EIF4B: variants seen among roughly 807,000 people sequenced by gnomAD.
EIF4B encodes eukaryotic translation initiation factor 4B.
EIF4B carries 8 observed loss-of-function variants against 79.3 expected under a neutral mutation model. The ratio of observed to expected loss-of-function variants is 0.10; its 90% CI spans 0.06 to 0.18. EIF4B has a LOEUF of 0.18. Ranked by LOEUF, EIF4B falls within the 10% of genes least tolerant of loss-of-function variation. The pLI, the probability that EIF4B is intolerant of heterozygous loss-of-function variation, is 1.00. For missense variants in EIF4B, 515 were observed against 792.4 expected, an observed-to-expected ratio of 0.65 and a Z score of 4.20; for synonymous variants, 238 against 274.7, an observed-to-expected ratio of 0.87 and a Z score of 1.32.
chr12:53,010,089 C>T (rs1031954932), intron 1 of EIF4B, among the ~76,000 whole-genome samples: 1 of 152,206 alleles, frequency 6.6e-6, no homozygotes, highest in Admixed American at 6.5e-5. Context: ...TGTGTACCTC[C>T]TGTCTCCCAT....
At chr12:53,039,506 A>C in intron 13 of EIF4B, 124 bp from the exon 14 acceptor site, 1 of 1,292,392 alleles carries the variant, frequency 7.7e-7, no homozygotes. Flanking sequence ...GTAATACATC[A>C]TCCAGACAAC....
chr12:53,039,169 G>A, intron 12 of EIF4B, 69 bp from the exon 13 acceptor site: 2 of 1,173,442 alleles, frequency 1.7e-6, no homozygotes, highest in East Asian at 2.6e-5. Flanking sequence ...TCAGCTTAAG[G>A]GAAATCTTAG....
rs145934285 is a variant in EIF4B, at chr12:53,032,493, C to T, written c.980-1313C>T. Among the ~76,000 whole-genome samples the T allele has an allele frequency of 6.9e-3, 1,043 of 152,154 alleles. 11 individuals carry two copies. The highest frequency in any genetic ancestry group is 0.024 in the African/African-American group (985 of 41,510). Reference sequence around the variant, plus strand: ...GTATTAGTTCTTAACATGCAGATTTCGGAGCAAGATACTTTCATCCAGTAG... The same window carrying T: ...GTATTAGTTCTTAACATGCAGATTTTGGAGCAAGATACTTTCATCCAGTAG... On this transcript the variant is annotated intron_variant, in intron 8 of 14. Coordinates refer to ENST00000262056, the MANE Select transcript of EIF4B (RefSeq NM_001417.7).
At chr12:53,021,226 A>G in intron 4 of EIF4B, among the ~76,000 whole-genome samples, 1 of 152,218 alleles carries the variant, frequency 6.6e-6, no homozygotes, top group East Asian at 1.9e-4. Context: ...GAAAGAACCT[A>G]AGATTGTAGA....
At chr12:53,027,343 A>T (rs112120270) in intron 6 of EIF4B, among the ~76,000 whole-genome samples, 12,422 of 151,298 alleles carry the variant, frequency 0.082, 808 homozygotes, top group African/African-American at 0.18. Flanking sequence ...CATGTTGGCC[A>T]GGATGGTCTC....
At chr12:53,029,667 C>T (rs1943401479) in intron 8 of EIF4B, among the ~76,000 whole-genome samples, 1 of 152,164 alleles carries the variant, frequency 6.6e-6, no homozygotes, top group Admixed American at 6.5e-5. Flanking sequence ...AGCCACCGTG[C>T]CCGGCCAAAT....
intron 6 of EIF4B, chr12:53,025,330 G>A: frequency 2.9e-5 from 13 of 445,844 alleles, no homozygotes; most frequent in South Asian, 2.1e-4. Context: ...TTTAGAGCAA[G>A]CAGAATGGAT....
rs1022730763 is a variant in EIF4B, at chr12:53,027,375, G to T, written c.668-407G>T. The stretch of plus-strand genomic sequence containing the variant: ...TCTCGATCTCTTGAACTCGTGATCT[G>T]CCCACCTCGGGCTCCCAAAGTGCTG... On this transcript the variant is annotated intron_variant, in intron 6 of 14. Coordinates refer to ENST00000262056, the MANE Select transcript of EIF4B (RefSeq NM_001417.7). Among the ~76,000 whole-genome samples the T allele has an allele frequency of 4.0e-5, 6 of 151,314 alleles. 1 individual carries two copies. Among genetic ancestry groups the T allele is most frequent in the Admixed American group, 1.3e-4 (2 of 15,106 alleles).
At position 53,033,874 on chromosome 12, in the gene EIF4B, A is replaced by G; in HGVS notation, c.1048A>G (p.Ser350Gly). 1 of 1,614,078 alleles carries G rather than the reference A, an allele frequency of 6.2e-7. No homozygotes were observed. The highest frequency in any genetic ancestry group is 1.7e-4 in the Middle Eastern group (1 of 6,056). ...TCCTAAGGAAGATGATTCCTCTGCT[A>G]GTACCTCCCAGTCCACTCGAGCTGC... is the stretch of plus-strand genomic sequence containing the variant. ...STPKEDDSSA[S>G]TSQSTRAASI... The change falls in exon 9 of 15, where the codon AGT becomes GGT. Residue 350 changes from serine (S) to glycine (G), a missense_variant. Coordinates refer to ENST00000262056, the MANE Select transcript of EIF4B (RefSeq NM_001417.7).
chr12:53,026,307 T>C (rs1393960534), intron 6 of EIF4B, among the ~76,000 whole-genome samples: 1 of 152,192 alleles, frequency 6.6e-6, no homozygotes, highest in Non-Finnish European at 1.5e-5. Flanking sequence ...GCTATCCCTT[T>C]TACAAACAAC....
intron 8 of EIF4B, among the ~76,000 whole-genome samples, chr12:53,031,314 C>T (rs1469276852): frequency 1.3e-5 from 2 of 152,188 alleles, no homozygotes; most frequent in Non-Finnish European, 2.9e-5. Flanking sequence ...CTCACTCTGT[C>T]GCCCAGGCTA....
intron 8 of EIF4B, among the ~76,000 whole-genome samples, chr12:53,030,099 G>A (rs1943409077): frequency 8.9e-6 from 1 of 112,112 alleles, no homozygotes; most frequent in African/African-American, 2.9e-5. Flanking sequence ...GCATGTGCCT[G>A]TAGTCCCCGT....
chr12:53,020,635 T>C (rs1448129070), intron 4 of EIF4B, among the ~76,000 whole-genome samples: 3 of 152,210 alleles, frequency 2.0e-5, no homozygotes, highest in African/African-American at 7.2e-5. Flanking sequence ...CCTTATTGTT[T>C]ATTGATAAGG....
At chr12:53,034,503 A>G (rs902093094) in intron 9 of EIF4B, 109 bp from the exon 10 acceptor site, 7 of 963,876 alleles carry the variant, frequency 7.3e-6, no homozygotes, top group Non-Finnish European at 1.1e-5. Context: ...ATTTATATGC[A>G]TATACACATA....
chr12:53,022,714 A>G, intron 6 of EIF4B, 87 bp downstream of exon 6: 1 of 1,441,216 alleles, frequency 6.9e-7, no homozygotes. Context: ...TGATCAGATC[A>G]CATTAACAGA....
intron 10 of EIF4B, among the ~76,000 whole-genome samples, chr12:53,036,943 C>T (rs1943550549): frequency 6.6e-6 from 1 of 152,230 alleles, no homozygotes; most frequent in Non-Finnish European, 1.5e-5. Context: ...CCAACAGCCT[C>T]CCAATATCCT....
At chr12:53,022,372 T>A (rs1302045775) in intron 5 of EIF4B, 121 bp from the exon 6 acceptor site, 13 of 1,406,556 alleles carry the variant, frequency 9.2e-6, no homozygotes, top group Non-Finnish European at 1.2e-5. Context: ...CTGAGGTAAC[T>A]GGGATGACAG....
chr12:53,028,514 C>T (rs1383707492), intron 8 of EIF4B, among the ~76,000 whole-genome samples: 2 of 150,076 alleles, frequency 1.3e-5, no homozygotes, highest in African/African-American at 4.9e-5. Flanking sequence ...GAGATGGCGC[C>T]GCTGCACTCC....
At chr12:53,026,031 G>A (rs1309128219) in intron 6 of EIF4B, among the ~76,000 whole-genome samples, 1 of 152,078 alleles carries the variant, frequency 6.6e-6, no homozygotes, top group Non-Finnish European at 1.5e-5. Context: ...CCCGGGAGGT[G>A]GAGGTTGCAG....
Sources: allele counts gnomAD v4.1 joint callset (sites outside exome capture counted in the v4.1 genomes callset), GRCh38; gene constraint gnomAD v4.1.1; transcripts MANE v1.5; gene names NCBI Gene and HGNC (gene_info 2026-07-23, HGNC 2026-07-21).